Variants in SUGP1 observed in about 807,000 individuals in gnomAD.
SUGP1 encodes the protein SURP and G-patch domain-containing protein 1.
A neutral mutation model predicts 76.5 loss-of-function variants in SUGP1; 34 were observed. That is an observed-to-expected ratio of 0.44 (90% CI 0.34 to 0.59). The LOEUF (loss-of-function observed/expected upper bound fraction) is 0.59. Among genes scored for constraint, SUGP1 ranks in the 20% least tolerant of loss-of-function variants. The pLI is 0.01. For missense variants in SUGP1, 752 were observed against 851.7 expected (o/e 0.88, Z 1.46); for synonymous variants, 326 against 326.2 (o/e 1.00, Z 0.01).
intron 9 of SUGP1, 32 bp from the exon 10 acceptor site, chr19:19,279,422 A>T: frequency 6.4e-7 from 1 of 1,567,090 alleles, no homozygotes; most frequent in Non-Finnish European, 8.6e-7. Context: ...GAGCCAGGGC[A>T]CGGTGCTGTG....
intron 3 of SUGP1, among the ~76,000 whole-genome samples, chr19:19,306,334 G>A (rs1002886117): frequency 1.1e-4 from 16 of 152,214 alleles, no homozygotes; most frequent in Admixed American, 4.6e-4. Flanking sequence ...CATCTCGGTC[G>A]CGCTGCACCC....
At chr19:19,297,400 A>ATTCTGGGCAAGAGCAGTTCTGGCC in intron 7 of SUGP1, 56 bp from the exon 8 acceptor site, 1 of 1,349,532 alleles carries the variant, frequency 7.4e-7, no homozygotes, top group Non-Finnish European at 1.0e-6. Flanking sequence ...CCTGTCCCTG[A>ATTCTGGGCAAGAGCAGTTCTGGCC]TTCTGGGCAG....
In SUGP1 at chr19:19,297,260, T is replaced by C. The variant is rs2061234550; in HGVS notation, c.972A>G (p.Thr324=). ...CGGGATCAGGTGCTGTGAAGCTGCCTGTGGAGCTGGCCTTGGCTTTCCGGA... is the reference window on the plus strand; with the variant it reads ...CGGGATCAGGTGCTGTGAAGCTGCCCGTGGAGCTGGCCTTGGCTTTCCGGA... ...EEFRKAKASS[T]GSFTAPDPGL... Residue 324 remains threonine, a synonymous_variant, in exon 8 of 14, where the codon ACA becomes ACG. Transcript: ENST00000247001. 1 of 1,576,766 alleles carries C rather than the reference T, an allele frequency of 6.3e-7. No homozygotes were observed.
intron 8 of SUGP1, among the ~76,000 whole-genome samples, chr19:19,292,913 C>T (rs2061197020): frequency 6.8e-6 from 1 of 147,256 alleles, no homozygotes; most frequent in Non-Finnish European, 1.5e-5. Flanking sequence ...TATTTATTTA[C>T]TTTTTTTTTT....
chr19:19,304,433 C>G (rs2061299806), intron 4 of SUGP1, among the ~76,000 whole-genome samples: 1 of 152,174 alleles, frequency 6.6e-6, no homozygotes, highest in African/African-American at 2.4e-5. Context: ...TGCCCAGACC[C>G]AGAGCCAGCC....
rs758942901 is a variant in SUGP1, at chr19:19,303,885, C to G, written c.539-38G>C. 4 of 1,612,592 alleles carry G rather than the reference C, an allele frequency of 2.5e-6. No homozygotes were observed. The African/African-American group carries it at 4.0e-5, about 16-fold the overall frequency. On this transcript the variant is annotated intron_variant, in intron 4 of 13. Transcript: ENST00000247001. ...TGTCAGTACTGGGGTTCAACTCACA[C>G]ACCCCACAGTCAATAGGCACACTCT...
chr19:19,316,503 T>C lies in SUGP1; in HGVS notation c.125A>G (p.Lys42Arg), dbSNP rs1239639475. ...CATTTTGGCTTCAATTTCCCGTTTC[T>C]TCTGAGCGATGAGCTCTTCCTGGTG... ...ILHQEELIAQ[K>R]KREIEAKMEQ... The change falls in exon 2 of 14, where the codon AAG (lysine) becomes AGG (arginine). Residue 42 changes from lysine (K) to arginine (R), a missense_variant. Coordinates refer to ENST00000247001, the MANE Select transcript of SUGP1 (RefSeq NM_172231.4). The C allele has an allele frequency of 1.2e-6, 2 of 1,613,950 alleles. No homozygotes were observed. The highest frequency in any genetic ancestry group is 1.3e-5 in the African/African-American group (1 of 74,962).
intron 8 of SUGP1, among the ~76,000 whole-genome samples, chr19:19,282,423 A>C (rs1006654909): frequency 6.7e-6 from 1 of 149,472 alleles, no homozygotes; most frequent in African/African-American, 2.5e-5. Flanking sequence ...ACATAGTAAG[A>C]CCCCATCTCT....
intron 7 of SUGP1, among the ~76,000 whole-genome samples, chr19:19,298,653 G>T (rs1213144368): frequency 6.6e-6 from 1 of 152,206 alleles, no homozygotes. Context: ...CTGGGTCATG[G>T]TACACGTGTG....
intron 7 of SUGP1, 93 bp downstream of exon 7, chr19:19,302,172 A>G: frequency 1.3e-6 from 2 of 1,544,464 alleles, no homozygotes; most frequent in Non-Finnish European, 1.8e-6. Flanking sequence ...GTGGGACCCC[A>G]GCAGGTGGCT....
At chr19:19,309,941 T>C (rs895825962) in intron 3 of SUGP1, among the ~76,000 whole-genome samples, 156 bp downstream of exon 3, 1 of 152,120 alleles carries the variant, frequency 6.6e-6, no homozygotes, top group Non-Finnish European at 1.5e-5. Flanking sequence ...TATTATTTAT[T>C]TATTTATGCC....
chr19:19,284,674 A>C (rs910188098), intron 8 of SUGP1, among the ~76,000 whole-genome samples: 3 of 152,212 alleles, frequency 2.0e-5, no homozygotes, highest in African/African-American at 7.2e-5. Context: ...TTAGAACAAA[A>C]GCAAGGCGAA....
rs781192323 is a variant in SUGP1, at chr19:19,278,674, GC to G, written c.1635+15del. Reference sequence around the variant, plus strand: ...GCATGTGGCAGAGGCTGGAGCTAGGGCCCCTCCTGGCTCACCTTCAGGGCCT... The same window carrying G: ...GCATGTGGCAGAGGCTGGAGCTAGGGCCCTCCTGGCTCACCTTCAGGGCCT... On this transcript the variant is annotated intron_variant, in intron 11 of 13. Transcript: ENST00000247001. The G allele has an allele frequency of 5.4e-5, 86 of 1,600,822 alleles. No individual in the cohort carries two copies. Among genetic ancestry groups the G allele is most frequent in the Non-Finnish European group, 6.8e-5 (80 of 1,173,124 alleles).
intron 8 of SUGP1, 118 bp downstream of exon 8, chr19:19,296,871 G>T: frequency 1.1e-6 from 1 of 900,276 alleles, no homozygotes; most frequent in Non-Finnish European, 1.6e-6. Flanking sequence ...GGAAGATATG[G>T]CCACAGAAGG....
chr19:19,285,320 T>C (rs892088828), intron 8 of SUGP1, among the ~76,000 whole-genome samples: 1 of 151,954 alleles, frequency 6.6e-6, no homozygotes, highest in African/African-American at 2.4e-5. Context: ...AGCCTGCCAC[T>C]ACACACAGCT....
intron 8 of SUGP1, among the ~76,000 whole-genome samples, chr19:19,296,308 C>A (rs1296975892): frequency 6.6e-6 from 1 of 151,974 alleles, no homozygotes; most frequent in Admixed American, 6.6e-5. Context: ...GTAATCACAG[C>A]ACTTTGGGAG....
Position 19,305,920 on chromosome 19 carries a change from T to C in SUGP1, c.467A>G (p.His156Arg), listed in dbSNP as rs2061313837. 1.2e-6 allele frequency: 2 copies of C among 1,613,450 alleles called. No individual in the cohort carries two copies. Among genetic ancestry groups the C allele is most frequent in the Non-Finnish European group, 1.7e-6 (2 of 1,179,924 alleles). ...YSHAKQLPVA[H>R]RPSVFQSPDE... ...AGGGGACTGGAAGACACTCGGGCGG[T>C]GCGCCACGGGCAGCTGCTTGGCGTG... is the stretch of plus-strand genomic sequence containing the variant. Residue 156 changes from histidine to arginine, a missense_variant, in exon 4 of 14, where the codon CAC becomes CGC. Coordinates refer to ENST00000247001, the MANE Select transcript of SUGP1 (RefSeq NM_172231.4).
rs148030853 is a variant in SUGP1 at position 19,283,440 on chromosome 19, G to GT, written c.1244-3150dup. Among the ~76,000 whole-genome samples, 38 of 147,274 alleles carry GT rather than the reference G, an allele frequency of 2.6e-4. No homozygotes were observed. In the East Asian group the frequency reaches 2.6e-3, roughly 10 times the overall value. ...AGGCACCTGCCACCATGCCCAGCTA[G>GT]TTTTTTTTTTTCCTTCTTTTTTTTC... On this transcript the variant is annotated intron_variant, in intron 8 of 13. Coordinates refer to ENST00000247001, the MANE Select transcript of SUGP1 (RefSeq NM_172231.4).
At chr19:19,304,118 C>T (rs938785443) in intron 4 of SUGP1, 10 of 1,242,424 alleles carry the variant, frequency 8.0e-6, no homozygotes, top group Admixed American at 4.7e-5. Flanking sequence ...TCCAGCTTCC[C>T]CTGGTTTTGG....
Sources: allele counts gnomAD v4.1 joint callset (sites outside exome capture counted in the v4.1 genomes callset), GRCh38; gene constraint gnomAD v4.1.1; transcripts MANE v1.5; gene names NCBI Gene and HGNC (gene_info 2026-07-23, HGNC 2026-07-21).